The following TNPO1 variants were observed in gnomAD, a reference collection of about 807,000 sequenced individuals.
TNPO1 encodes the protein transportin-1.
In TNPO1, 8 loss-of-function variants were observed where a neutral mutation model predicts 119.5. That is an observed-to-expected ratio of 0.07 (90% CI 0.04 to 0.12). The LOEUF (loss-of-function observed/expected upper bound fraction) is 0.12, where lower values mean the gene tolerates loss of function less well. Among genes scored for constraint, TNPO1 ranks in the 10% least tolerant of loss-of-function variants. TNPO1 has a pLI of 1.00. For synonymous variants in TNPO1, 362 were observed against 363.0 expected (o/e 1.00, Z 0.03); for missense variants, 576 against 1,089.8 (o/e 0.53, Z 6.64).
intron 1 of TNPO1, among the ~76,000 whole-genome samples, chr5:72,823,789 GA>G (rs1002793849): frequency 1.3e-5 from 2 of 151,832 alleles, no homozygotes; most frequent in African/African-American, 4.8e-5. Flanking sequence ...AGCATGGCCA[GA>G]AAAAAAACCA....
intron 4 of TNPO1, among the ~76,000 whole-genome samples, chr5:72,858,175 A>G (rs1746147430): frequency 6.6e-6 from 1 of 152,180 alleles, no homozygotes; most frequent in Admixed American, 6.5e-5. Context: ...AAATGACATG[A>G]TGTCTAGGAT....
intron 24 of TNPO1, among the ~76,000 whole-genome samples, chr5:72,907,929 C>T (rs1750285934): frequency 6.6e-6 from 1 of 151,766 alleles, no homozygotes; most frequent in African/African-American, 2.4e-5. Context: ...TGGTATGTAC[C>T]TATGGTCCCA....
Position 72,910,762 on chromosome 5 carries a change from G to A in TNPO1, c.*2089G>A, listed in dbSNP as rs1005089857. On this transcript the variant is annotated 3_prime_UTR_variant, in exon 25 of 25. Transcript: ENST00000337273. ...CTGTTTCAAAAATTTCAAATGCATG[G>A]TAGCATGTAGAAAGGTTTTTGTTAC... is the stretch of plus-strand genomic sequence containing the variant. 6.6e-6 allele frequency: 1 copy of A among 152,010 alleles called. No individual in the cohort carries two copies. Among genetic ancestry groups the A allele is most frequent in the Admixed American group, 6.6e-5 (1 of 15,258 alleles). The allele number at this position is 152,010 out of a possible 1,614,324, so 9.4% of individuals were successfully genotyped here. A position where few individuals can be genotyped will look rare whatever the true frequency, so the allele number is the denominator to read the frequency against.
intron 20 of TNPO1, among the ~76,000 whole-genome samples, chr5:72,898,823 C>T (rs1216439110): frequency 6.6e-6 from 1 of 152,104 alleles, no homozygotes; most frequent in Non-Finnish European, 1.5e-5. Context: ...TATGAATCTG[C>T]TGGATTTTAG....
chr5:72,864,951 A>G (rs1156725610), intron 5 of TNPO1, among the ~76,000 whole-genome samples: 4 of 152,166 alleles, frequency 2.6e-5, no homozygotes, highest in African/African-American at 9.7e-5. Flanking sequence ...CTGTGCTTCA[A>G]AAAGAAAAGT....
intron 22 of TNPO1, among the ~76,000 whole-genome samples, 155 bp downstream of exon 22, chr5:72,901,228 T>C (rs1749775960): frequency 6.6e-6 from 1 of 152,198 alleles, no homozygotes. Context: ...TATCTTGAAA[T>C]TGTAATGCCT....
At chr5:72,822,210 A>G (rs1355488837) in intron 1 of TNPO1, among the ~76,000 whole-genome samples, 1 of 152,208 alleles carries the variant, frequency 6.6e-6, no homozygotes, top group African/African-American at 2.4e-5. Flanking sequence ...TAAAAGGGAA[A>G]ACAACTCAGT....
In TNPO1 at chr5:72,911,471, T is replaced by G. The variant is rs749788462; in HGVS notation, c.*2798T>G. The G allele has an allele frequency of 2.0e-5, 3 of 152,568 alleles. No individual in the cohort carries two copies. The highest frequency in any genetic ancestry group is 4.4e-5 in the Non-Finnish European group (3 of 67,962). The allele number at this position is 152,568 out of a possible 1,614,324, so 9.5% of individuals were successfully genotyped here. A position where few individuals can be genotyped will look rare whatever the true frequency, so the allele number is the denominator to read the frequency against. On this transcript the variant is annotated 3_prime_UTR_variant, in exon 25 of 25. Transcript: ENST00000337273. ...CCTAATTTATATTTCAGATACATAG[T>G]GTAGAACAGGAATTTGCAGAAGCCA...
chr5:72,882,938 A>G (rs1748356310), intron 10 of TNPO1, 126 bp from the exon 11 acceptor site: 1 of 730,900 alleles, frequency 1.4e-6, no homozygotes, highest in South Asian at 1.8e-5. Context: ...GTTCTTAATC[A>G]CTCTGGAAGT....
At chr5:72,867,387 TC>T (rs1554052097) in intron 6 of TNPO1, among the ~76,000 whole-genome samples, 1 of 44,428 alleles carries the variant, frequency 2.3e-5, no homozygotes, top group Non-Finnish European at 7.1e-5. Context: ...TCTTAAGCGT[TC>T]TCTCTCAACG....
At chr5:72,844,571 T>C (rs951096459) in intron 1 of TNPO1, among the ~76,000 whole-genome samples, 3 of 152,264 alleles carry the variant, frequency 2.0e-5, no homozygotes, top group Non-Finnish European at 4.4e-5. Context: ...GATTTTATCT[T>C]GCAGATGCTA....
Position 72,877,307 on chromosome 5 carries a change from A to G in TNPO1, c.881A>G (p.Gln294Arg), listed in dbSNP as rs1161824641. 6.2e-7 allele frequency: 1 copy of G among 1,612,644 alleles called. No homozygotes were observed. The highest frequency in any genetic ancestry group is 1.7e-5 in the Admixed American group (1 of 60,000). The stretch of plus-strand genomic sequence containing the variant: ...GAATTTTGGCTAACTTTAGCTGAAC[A>G]GCCAATATGCAAAGATGTACTCGTA... ...ACEFWLTLAE[Q>R]PICKDVLVRH... The change falls in exon 9 of 25, where the codon CAG (glutamine) becomes CGG (arginine). Residue 294 changes from glutamine to arginine, a missense_variant. This residue lies in a region of TNPO1 where 310 missense variants were observed against 583.0 expected (regional missense o/e 0.53). Coordinates refer to ENST00000337273, the MANE Select transcript of TNPO1 (RefSeq NM_002270.4).
Position 72,900,032 on chromosome 5 carries a change from G to A in TNPO1, c.2365G>A (p.Val789Ile), listed in dbSNP as rs753861870. The A allele has an allele frequency of 6.2e-6, 10 of 1,613,800 alleles. No individual in the cohort carries two copies. The East Asian group carries it at 8.9e-5, about 14-fold the overall frequency. Residue 789 changes from valine to isoleucine, a missense_variant, in exon 21 of 25, where the codon GTT (valine) becomes ATT (isoleucine). Physicochemically the swap from Val to Ile is conservative, Grantham distance 29 (BLOSUM62 3). This residue lies in a region of TNPO1 where 162 missense variants were observed against 294.1 expected (regional missense o/e 0.55). Transcript: ENST00000337273. ...TAITIGRLGY[V>I]CPQEVAPMLQ... ...AATAACAATTGGTCGTCTTGGTTACGTTTGTCCTCAAGAGGTGGCCCCCAT... is the reference window on the plus strand; with the variant it reads ...AATAACAATTGGTCGTCTTGGTTACATTTGTCCTCAAGAGGTGGCCCCCAT...
At chr5:72,854,018 T>G (rs1012171493) in intron 3 of TNPO1, among the ~76,000 whole-genome samples, 2 of 152,240 alleles carry the variant, frequency 1.3e-5, no homozygotes, top group Admixed American at 6.5e-5. Flanking sequence ...TTGTGGTTTA[T>G]TAAAATTCTT....
Position 72,849,133 on chromosome 5 carries a change from C to T in TNPO1, c.129+635C>T, listed in dbSNP as rs531908010. On this transcript the variant is annotated intron_variant, in intron 2 of 24. Transcript: ENST00000337273. ...CTGGTGTTAACACCTGTTGCGAACT[C>T]CTTGTCACCCAAGTGAGATTTTCTT... 1.5e-4 allele frequency among the ~76,000 whole-genome samples: 23 copies of T among 152,326 alleles called. No homozygotes were observed. In the East Asian group the frequency reaches 2.5e-3, roughly 17 times the overall value.
intron 1 of TNPO1, among the ~76,000 whole-genome samples, chr5:72,820,050 A>T (rs778970640): frequency 6.6e-6 from 1 of 152,108 alleles, no homozygotes; most frequent in Admixed American, 6.5e-5. Flanking sequence ...TTTCCTTCCA[A>T]TGTTTTTTTC....
chr5:72,904,901 G>T (rs963346877), intron 23 of TNPO1, among the ~76,000 whole-genome samples: 4 of 152,178 alleles, frequency 2.6e-5, no homozygotes, highest in African/African-American at 9.7e-5. Context: ...TCACTGTCAT[G>T]GTGGAAGGTG....
In TNPO1 at chr5:72,893,463, A is replaced by G. The variant is rs1308982402; in HGVS notation, c.1983A>G (p.Glu661=). 6.2e-7 allele frequency: 1 copy of G among 1,614,100 alleles called. No individual in the cohort carries two copies. The highest frequency in any genetic ancestry group is 2.2e-5 in the East Asian group (1 of 44,886). The change falls in exon 17 of 25, where the codon GAA becomes GAG. Residue 661 remains glutamate, a synonymous_variant. Coordinates refer to ENST00000337273, the MANE Select transcript of TNPO1 (RefSeq NM_002270.4). Reference sequence around the variant, plus strand: ...TTGATTTACTGAGTGGCCTGGCTGAAGGACTTGGAGGCAACATTGAACAGC... The same window carrying G: ...TTGATTTACTGAGTGGCCTGGCTGAGGGACTTGGAGGCAACATTGAACAGC... ...VALDLLSGLA[E]GLGGNIEQLV...
At chr5:72,865,991 G>T (rs917778808) in intron 6 of TNPO1, among the ~76,000 whole-genome samples, 4 of 152,176 alleles carry the variant, frequency 2.6e-5, no homozygotes, top group African/African-American at 9.6e-5. Context: ...TAGTTAACAG[G>T]CATCTTCTAA....
Sources: gnomAD v4.1 joint callset for allele counts (sites outside exome capture counted in the v4.1 genomes callset) on GRCh38, gnomAD v4.1.1 for gene constraint, gnomAD v4.1.1 regional missense constraint, MANE v1.5 for transcripts, NCBI Gene and HGNC (gene_info 2026-07-23, HGNC 2026-07-21) for gene names.